Variants in ADAMTS17 observed in about 807,000 individuals in gnomAD.
The protein encoded by ADAMTS17 is A disintegrin and metalloproteinase with thrombospondin motifs 17.
ADAMTS17 carries 113 observed loss-of-function variants against 141.5 expected under a neutral mutation model. That is an observed-to-expected ratio of 0.80 (90% CI 0.69 to 0.93). The LOEUF is 0.93. ADAMTS17 is among the 40% of genes least tolerant of loss of function. ADAMTS17 has a pLI of 0.00. For missense variants in ADAMTS17, 1,659 were observed against 1,517.9 expected (o/e 1.09, Z -1.54); for synonymous variants, 768 against 630.6 (o/e 1.22, Z -3.27).
Position 100,341,276 on chromosome 15 carries a change from G to C in ADAMTS17, c.213C>G (p.Ala71=). The C allele has an allele frequency of 8.5e-7, 1 of 1,177,542 alleles. No individual in the cohort carries two copies. Among genetic ancestry groups the C allele is most frequent in the South Asian group, 3.7e-5 (1 of 26,692 alleles). 72.9% of individuals were successfully genotyped at this position (1,177,542 alleles called of 1,614,324 possible). A position where few individuals can be genotyped will look rare whatever the true frequency, so the allele number is the denominator to read the frequency against. ...CGCGCTCTCCGGGCCGGGCGCGCGG[G>C]GCGGCTGGGGGCGTGCGGGGGCGTC... ...RRRRPRTPPA[A]PRARPGERAL... is the part of the protein sequence containing the mutation. Residue 71 remains alanine, a synonymous_variant, in exon 2 of 22, where the codon GCC becomes GCG. Coordinates refer to ENST00000268070, the MANE Select transcript of ADAMTS17 (RefSeq NM_139057.4).
At chr15:100,118,045 G>C (rs780925309) in intron 12 of ADAMTS17, among the ~76,000 whole-genome samples, 3 of 152,194 alleles carry the variant, frequency 2.0e-5, no homozygotes, top group African/African-American at 4.8e-5. Context: ...GTGCTTTAGG[G>C]GAGAGATGTA....
At chr15:100,268,494 T>C (rs1415148290) in intron 4 of ADAMTS17, among the ~76,000 whole-genome samples, 1 of 152,342 alleles carries the variant, frequency 6.6e-6, no homozygotes, top group East Asian at 1.9e-4. Flanking sequence ...CCATTCTCAC[T>C]GGTGTGAGAT....
At chr15:100,041,556 G>A (rs560053403) in intron 18 of ADAMTS17, among the ~76,000 whole-genome samples, 12 of 152,332 alleles carry the variant, frequency 7.9e-5, no homozygotes, top group Non-Finnish European at 1.6e-4. Context: ...CCTCTTCCCT[G>A]CAGACTGTGG....
In ADAMTS17 at chr15:99,972,867, T is replaced by C. The variant is rs1277889553; in HGVS notation, c.*1535A>G. The stretch of plus-strand genomic sequence containing the variant: ...TTAAGCTAACTCTACGGTTGTGACA[T>C]GTAACAAAACAAAACACAGAAACAC... On this transcript the variant is annotated 3_prime_UTR_variant, in exon 22 of 22. Transcript: ENST00000268070. The C allele has an allele frequency of 6.6e-6, 1 of 152,086 alleles. No homozygotes were observed. Among genetic ancestry groups the C allele is most frequent in the Non-Finnish European group, 1.5e-5 (1 of 68,028 alleles). 9.4% of individuals were successfully genotyped at this position (152,086 alleles called of 1,614,324 possible).
At chr15:100,221,084 G>A (rs959876760) in intron 7 of ADAMTS17, among the ~76,000 whole-genome samples, 1 of 152,070 alleles carries the variant, frequency 6.6e-6, no homozygotes, top group African/African-American at 2.4e-5. Flanking sequence ...TGAGGAACTG[G>A]GAACATGCTT....
At chr15:100,044,236 C>T (rs2031501441) in intron 18 of ADAMTS17, among the ~76,000 whole-genome samples, 1 of 152,140 alleles carries the variant, frequency 6.6e-6, no homozygotes, top group East Asian at 1.9e-4. Context: ...ATCACTGTTT[C>T]TTAAATGATT....
At chr15:100,325,659 C>T (rs1045984649) in intron 3 of ADAMTS17, among the ~76,000 whole-genome samples, 4 of 152,306 alleles carry the variant, frequency 2.6e-5, no homozygotes, top group South Asian at 2.1e-4. Context: ...CTCACCTCTT[C>T]GCTCTCTCTC....
chr15:100,102,734 C>A (rs1463969637), intron 14 of ADAMTS17, among the ~76,000 whole-genome samples: 1 of 152,204 alleles, frequency 6.6e-6, no homozygotes, highest in East Asian at 1.9e-4. Flanking sequence ...GTCCTCAGCA[C>A]AGAGACCTCC....
At chr15:100,255,848 C>T (rs913070169) in intron 6 of ADAMTS17, among the ~76,000 whole-genome samples, 3 of 152,208 alleles carry the variant, frequency 2.0e-5, no homozygotes, top group Admixed American at 2.0e-4. Flanking sequence ...TCCCTGCGTT[C>T]TCCCATCCAA....
intron 3 of ADAMTS17, among the ~76,000 whole-genome samples, chr15:100,293,062 G>A (rs1419292910): frequency 1.3e-5 from 2 of 152,164 alleles, no homozygotes; most frequent in African/African-American, 4.8e-5. Flanking sequence ...AATGCCAAAG[G>A]GCCTAAAATT....
Position 99,972,451 on chromosome 15 carries a change from G to A in ADAMTS17, c.*1951C>T, listed in dbSNP as rs1415990057. 1 of 152,184 alleles carries A rather than the reference G, an allele frequency of 6.6e-6. No individual in the cohort carries two copies. The highest frequency in any genetic ancestry group is 2.1e-4 in the South Asian group (1 of 4,830). The allele number at this position is 152,184 out of a possible 1,614,324, so 9.4% of individuals were successfully genotyped here. On this transcript the variant is annotated 3_prime_UTR_variant, in exon 22 of 22. Coordinates refer to ENST00000268070, the MANE Select transcript of ADAMTS17 (RefSeq NM_139057.4). ...GACCAAGCTAAGGCTTCCTTAGTGA[G>A]CTTGCCCGGCTCTGCTCCTTGGCTG...
chr15:99,991,380 CAAAAG>C (rs1312932256), intron 20 of ADAMTS17, among the ~76,000 whole-genome samples: 1 of 152,182 alleles, frequency 6.6e-6, no homozygotes, highest in Non-Finnish European at 1.5e-5. Context: ...AGACACTTCT[CAAAAG>C]AAGACATTTA....
chr15:100,258,876 C>A (rs1368064567), intron 6 of ADAMTS17, among the ~76,000 whole-genome samples: 1 of 152,150 alleles, frequency 6.6e-6, no homozygotes, highest in Non-Finnish European at 1.5e-5. Flanking sequence ...TGCGTCATGA[C>A]TGCTGATGTC....
chr15:100,271,351 C>A (rs1421258893), intron 4 of ADAMTS17, among the ~76,000 whole-genome samples: 2 of 152,132 alleles, frequency 1.3e-5, no homozygotes, highest in African/African-American at 4.8e-5. Context: ...TAATAATGTA[C>A]AAAATTTCCC....
intron 8 of ADAMTS17, among the ~76,000 whole-genome samples, chr15:100,164,968 T>C (rs1286702154): frequency 6.6e-6 from 1 of 152,206 alleles, no homozygotes; most frequent in African/African-American, 2.4e-5. Flanking sequence ...GGGATGAAGA[T>C]GGTGGCCTAG....
In ADAMTS17 at chr15:100,070,179, C is replaced by T. The variant is rs950869158; in HGVS notation, c.2138-16125G>A. ...CATAATGGTAAAGGGATCAATTCAA[C>T]AAGAAGAGCTAACTATACTAAATAT... is the stretch of plus-strand genomic sequence containing the variant. On this transcript the variant is annotated intron_variant, in intron 15 of 21. Coordinates refer to ENST00000268070, the MANE Select transcript of ADAMTS17 (RefSeq NM_139057.4). Among the ~76,000 whole-genome samples the T allele has an allele frequency of 8.0e-5, 12 of 150,252 alleles. 1 individual carries two copies. Among genetic ancestry groups the T allele is most frequent in the South Asian group, 6.3e-4 (3 of 4,768 alleles).
At chr15:100,136,292 A>T (rs1402861650) in intron 10 of ADAMTS17, among the ~76,000 whole-genome samples, 1 of 152,230 alleles carries the variant, frequency 6.6e-6, no homozygotes, top group African/African-American at 2.4e-5. Context: ...GAGTCAGGAT[A>T]GTGGCTACCT....
At chr15:100,264,736 G>A (rs371209935) in intron 4 of ADAMTS17, among the ~76,000 whole-genome samples, 4 of 152,004 alleles carry the variant, frequency 2.6e-5, no homozygotes, top group Admixed American at 6.6e-5. Context: ...AAGCTCAGTC[G>A]CCTCCCTTGG....
intron 15 of ADAMTS17, among the ~76,000 whole-genome samples, chr15:100,071,346 T>C (rs1015026386): frequency 2.7e-5 from 4 of 149,970 alleles, no homozygotes; most frequent in Non-Finnish European, 5.9e-5. Flanking sequence ...CTTCTGAAAC[T>C]ATTCCAATCA....
Sources: allele counts gnomAD v4.1 joint callset (sites outside exome capture counted in the v4.1 genomes callset), GRCh38; gene constraint gnomAD v4.1.1; transcripts MANE v1.5; gene names NCBI Gene and HGNC (gene_info 2026-07-23, HGNC 2026-07-21).